P4HTM: variants seen among roughly 807,000 people sequenced by gnomAD.
P4HTM encodes prolyl 4-hydroxylase, transmembrane.
A neutral mutation model predicts 55.3 loss-of-function variants in P4HTM; 33 were observed. The observed-to-expected ratio is 0.60, with a 90% CI of 0.45 to 0.80. The LOEUF is 0.80. Among genes scored for constraint, P4HTM ranks in the 30% least tolerant of loss-of-function variants. The pLI is 0.00. For missense variants in P4HTM, 542 were observed against 696.5 expected (o/e 0.78, Z 2.50); for synonymous variants, 272 against 286.4 (o/e 0.95, Z 0.51).
In P4HTM at chr3:49,005,413, C is replaced by G. The variant is rs375586757; in HGVS notation, c.1074-364C>G. 900 of 1,399,842 alleles carry G rather than the reference C, an allele frequency of 6.4e-4. 8 individuals are homozygous for G. In the African/African-American group the frequency reaches 0.011, roughly 16 times the overall value. 86.7% of individuals were successfully genotyped at this position (1,399,842 alleles called of 1,614,324 possible). A position where few individuals can be genotyped will look rare whatever the true frequency, so the allele number is the denominator to read the frequency against. On this transcript the variant is annotated intron_variant, in intron 6 of 8. Transcript: ENST00000383729. ...AGCTGTGCCTCCCTCCCCTGTCAAG[C>G]CAGTTCTTTCCTCTTCAGGTGGCTG...
At position 48,990,619 on chromosome 3, in the gene P4HTM, C is replaced by T. The variant is rs1390349851; in HGVS notation, c.354+9C>T. ...GGCTGGAGGGCATCAAGGTGAGGAC[C>T]TCCCTGCCCCGCCGCGCTCCAGGCC... On this transcript the variant is annotated intron_variant, in intron 1 of 8. Coordinates refer to ENST00000383729, the MANE Select transcript of P4HTM (RefSeq NM_177939.3). The surrounding 1 kb of genome is among the most constrained non-coding windows in gnomAD (Gnocchi z 7.2). The T allele has an allele frequency of 1.9e-6, 3 of 1,543,180 alleles. No individual in the cohort carries two copies. Among genetic ancestry groups the T allele is most frequent in the Admixed American group, 3.9e-5 (2 of 51,674 alleles).
intron 6 of P4HTM, 155 bp downstream of exon 6, chr3:49,005,201 T>G (rs764717712): frequency 1.3e-6 from 2 of 1,573,224 alleles, no homozygotes; most frequent in South Asian, 2.3e-5. Flanking sequence ...TCCCCACAAG[T>G]TGTTTACCCA....
At chr3:49,006,307 G>C (rs1378338178) in intron 8 of P4HTM, 120 bp downstream of exon 8, 1 of 1,146,160 alleles carries the variant, frequency 8.7e-7, no homozygotes, top group Non-Finnish European at 1.2e-6. Context: ...TTCTGCTCCT[G>C]GTGCCTCCCA....
chr3:48,991,356 C>G (rs1288834930), intron 2 of P4HTM: 1 of 159,634 alleles, frequency 6.3e-6, no homozygotes, highest in Non-Finnish European at 1.4e-5. Flanking sequence ...CCCCAGCCTC[C>G]TCCACTGGAG....
In P4HTM at chr3:48,990,412, C is replaced by G; in HGVS notation, c.156C>G (p.Pro52=). The change falls in exon 1 of 9, where the codon CCC becomes CCG. Residue 52 remains proline (P), a synonymous_variant. Transcript: ENST00000383729. This position sits in a 1 kb window ranked among gnomAD's most constrained non-coding sequence, Gnocchi z 7.2. ...EDAPVRPLCK[P]RGICSRAYFL... ...CACCGGTGCGTCCGCTGTGCAAGCC[C>G]CGCGGCATCTGCTCGCGCGCCTACT... 2 of 1,604,032 alleles carry G rather than the reference C, an allele frequency of 1.2e-6. No homozygotes were observed. The highest frequency in any genetic ancestry group is 1.7e-6 in the Non-Finnish European group (2 of 1,178,502).
chr3:49,006,219 G>A, intron 8 of P4HTM, 32 bp downstream of exon 8: 1 of 1,596,196 alleles, frequency 6.3e-7, no homozygotes, highest in Non-Finnish European at 8.6e-7. Flanking sequence ...TGGGGGGGGT[G>A]CCCTGAGTAC....
chr3:48,998,997 C>T (rs183679547), intron 2 of P4HTM, among the ~76,000 whole-genome samples: 16 of 152,226 alleles, frequency 1.1e-4, no homozygotes, highest in Admixed American at 8.5e-4. Flanking sequence ...CAGCCTGAAG[C>T]GACTTGTCCA....
Position 49,004,095 on chromosome 3 carries a change from C to A in P4HTM, c.725-3C>A. On this transcript the variant is annotated splice_polypyrimidine_tract_variant and splice_region_variant and intron_variant, in intron 4 of 8. Transcript: ENST00000383729. ...GGGCATTGATGGTGGGTGCCCTGTG[C>A]AGGAGTGCTGAGTCTGCAGGAGTTC... 6.4e-7 allele frequency: 1 copy of A among 1,555,786 alleles called. No individual in the cohort carries two copies. Among genetic ancestry groups the A allele is most frequent in the Non-Finnish European group, 8.7e-7 (1 of 1,150,156 alleles).
chr3:48,993,133 C>T (rs1243912364), intron 2 of P4HTM, among the ~76,000 whole-genome samples: 1 of 151,896 alleles, frequency 6.6e-6, no homozygotes, highest in Non-Finnish European at 1.5e-5. Flanking sequence ...GGGGGAACCC[C>T]GTCTACTAAA....
chr3:49,004,016 G>T lies in P4HTM; in HGVS notation c.725-82G>T. ...GAGGTCAGGGGCTGCTGCTGCCTTT[G>T]GGGTAGGTAGGGAAGTGCAGCCTGC... On this transcript the variant is annotated intron_variant, in intron 4 of 8. Transcript: ENST00000383729. The T allele has an allele frequency of 2.2e-6, 3 of 1,367,760 alleles. No individual in the cohort carries two copies. The East Asian group carries it at 7.6e-5, about 35-fold the overall frequency. 84.7% of individuals were successfully genotyped at this position (1,367,760 alleles called of 1,614,324 possible). A position where few individuals can be genotyped will look rare whatever the true frequency, so the allele number is the denominator to read the frequency against.
chr3:48,990,954 C>A lies in P4HTM; in HGVS notation c.436+40C>A, dbSNP rs1371430668. The A allele has an allele frequency of 3.3e-6, 5 of 1,529,706 alleles. No individual in the cohort carries two copies. The highest frequency in any genetic ancestry group is 3.6e-6 in the Non-Finnish European group (4 of 1,106,518). The allele number at this position is 1,529,706 out of a possible 1,614,324, so 94.8% of individuals were successfully genotyped here. On this transcript the variant is annotated intron_variant, in intron 2 of 8. Coordinates refer to ENST00000383729, the MANE Select transcript of P4HTM (RefSeq NM_177939.3). The surrounding 1 kb of genome is among the most constrained non-coding windows in gnomAD (Gnocchi z 7.2). ...TACTCCTGGGAAGGGCCAGGGGCTG[C>A]GGTTTGGTGGCCACCTTGAGGCTCG...
At chr3:48,995,090 C>T (rs1314982126) in intron 2 of P4HTM, among the ~76,000 whole-genome samples, 2 of 152,154 alleles carry the variant, frequency 1.3e-5, no homozygotes, top group African/African-American at 2.4e-5. Context: ...CATGAGCCAC[C>T]GTGCCCAGCC....
Position 49,000,602 on chromosome 3 carries a change from G to T in P4HTM, c.437-836G>T, listed in dbSNP as rs190590353. On this transcript the variant is annotated intron_variant, in intron 2 of 8. Transcript: ENST00000383729. ...TCCCAGGAACAAGGGAAGGAAGCAG[G>T]GCCCATGCTCCTGCTCTGGAAGTGT... Among the ~76,000 whole-genome samples, 58 of 152,238 alleles carry T rather than the reference G, an allele frequency of 3.8e-4. No homozygotes were observed. The East Asian group carries it at 0.011, about 29-fold the overall frequency.
At chr3:48,994,647 C>G (rs912168886) in intron 2 of P4HTM, among the ~76,000 whole-genome samples, 12 of 152,298 alleles carry the variant, frequency 7.9e-5, no homozygotes, top group Non-Finnish European at 1.3e-4. Context: ...CTGTTCAGAA[C>G]AGAAGTGCTC....
In P4HTM at chr3:49,004,729, G is replaced by A. The variant is rs1282326147; in HGVS notation, c.888-132G>A. ...TCCTGCTCTTACAGGGCCAGTCTGA[G>A]ATGGCTTAAGGGACTTCCAGGGGAG... On this transcript the variant is annotated intron_variant, in intron 5 of 8. Coordinates refer to ENST00000383729, the MANE Select transcript of P4HTM (RefSeq NM_177939.3). 2.3e-5 allele frequency: 20 copies of A among 859,576 alleles called. No homozygotes were observed. In the Admixed American group the frequency reaches 4.3e-4, roughly 19 times the overall value. 53.2% of individuals were successfully genotyped at this position (859,576 alleles called of 1,614,324 possible).
chr3:49,005,136 T>G (rs1256439800), intron 6 of P4HTM, 90 bp downstream of exon 6: 1 of 1,611,914 alleles, frequency 6.2e-7, no homozygotes, highest in African/African-American at 1.3e-5. Flanking sequence ...GGCGTGCCCC[T>G]TGGCATGGGG....
Position 49,002,393 on chromosome 3 carries a change from C to A in P4HTM, c.628-107C>A. ...ATGGGCTCTGCCCTGTGTCCTCATC[C>A]ATGCCCTCACCTGAACACTTTGCTC... On this transcript the variant is annotated intron_variant, in intron 3 of 8. Coordinates refer to ENST00000383729, the MANE Select transcript of P4HTM (RefSeq NM_177939.3). The surrounding 1 kb of genome is among the most constrained non-coding windows in gnomAD (Gnocchi z 4.4). The A allele has an allele frequency of 1.2e-6, 1 of 818,792 alleles. No individual in the cohort carries two copies. The highest frequency in any genetic ancestry group is 2.1e-6 in the Non-Finnish European group (1 of 479,058). 50.7% of individuals were successfully genotyped at this position (818,792 alleles called of 1,614,324 possible).
chr3:48,994,726 C>G (rs1346924003), intron 2 of P4HTM, among the ~76,000 whole-genome samples: 1 of 152,178 alleles, frequency 6.6e-6, no homozygotes, highest in South Asian at 2.1e-4. Context: ...CTCCCGCTGT[C>G]CTACCCCACC....
chr3:48,990,475 T>C lies in P4HTM; in HGVS notation c.219T>C (p.Gly73=). The change falls in exon 1 of 9, where the codon GGT becomes GGC. Residue 73 remains glycine, a synonymous_variant. Transcript: ENST00000383729. This position sits in a 1 kb window ranked among gnomAD's most constrained non-coding sequence, Gnocchi z 7.2. ...TGGTGTTCGTGCACCTGTACCTGGG[T>C]AACGTGCTGGCGCTGCTGCTCTTCG... ...VLMVFVHLYL[G]NVLALLLFVH... is the part of the protein sequence containing the mutation. 1.2e-6 allele frequency: 2 copies of C among 1,611,170 alleles called. No homozygotes were observed. Among genetic ancestry groups the C allele is most frequent in the Non-Finnish European group, 8.5e-7 (1 of 1,179,392 alleles).
Sources: allele counts gnomAD v4.1 joint callset (sites outside exome capture counted in the v4.1 genomes callset), GRCh38; gene constraint gnomAD v4.1.1; non-coding constraint Gnocchi (gnomAD v3.1); transcripts MANE v1.5; gene names NCBI Gene and HGNC (gene_info 2026-07-23, HGNC 2026-07-21).